BCAS3: variants seen among roughly 807,000 people sequenced by gnomAD.
BCAS3 encodes the protein BCAS4/BCAS3 fusion.
BCAS3 carries 53 observed loss-of-function variants against 116.1 expected under a neutral mutation model. That is an observed-to-expected ratio of 0.46 (90% CI 0.37 to 0.57). The LOEUF (loss-of-function observed/expected upper bound fraction) is 0.57, where lower values mean the gene tolerates loss of function less well. Among genes scored for constraint, BCAS3 ranks in the 20% least tolerant of loss-of-function variants. BCAS3 has a pLI of 0.00. For synonymous variants in BCAS3, 391 were observed against 408.2 expected (o/e 0.96, Z 0.51); for missense variants, 917 against 1,165.4 (o/e 0.79, Z 3.10).
intron 22 of BCAS3, among the ~76,000 whole-genome samples, chr17:61,201,813 C>T (rs2080838500): frequency 6.7e-6 from 1 of 148,830 alleles, no homozygotes; most frequent in African/African-American, 2.5e-5. Flanking sequence ...GGCTGCAGTG[C>T]AGTGGCGCAA....
intron 23 of BCAS3, among the ~76,000 whole-genome samples, chr17:61,375,772 C>G (rs1412793118): frequency 2.6e-5 from 4 of 151,970 alleles, no homozygotes. Flanking sequence ...AGGGTTTCAC[C>G]ATGTTGGCCA....
At chr17:60,844,521 T>C (rs2052314818) in intron 7 of BCAS3, among the ~76,000 whole-genome samples, 1 of 152,212 alleles carries the variant, frequency 6.6e-6, no homozygotes, top group African/African-American at 2.4e-5. Flanking sequence ...GTTTTGTTTT[T>C]TTTAAAGGTG....
At chr17:61,018,720 ACGTTTT>A (rs1219126350) in intron 16 of BCAS3, among the ~76,000 whole-genome samples, 2 of 152,178 alleles carry the variant, frequency 1.3e-5, no homozygotes, top group African/African-American at 4.8e-5. Context: ...CTAACATGTT[ACGTTTT>A]TGCAGCCTTA....
At chr17:61,289,469 G>A (rs2052164407) in intron 22 of BCAS3, among the ~76,000 whole-genome samples, 1 of 152,190 alleles carries the variant, frequency 6.6e-6, no homozygotes, top group South Asian at 2.1e-4. Context: ...TGGGTATGCT[G>A]TCAAGTAACA....
At chr17:61,155,367 T>C (rs1695194284) in intron 22 of BCAS3, among the ~76,000 whole-genome samples, 1 of 152,118 alleles carries the variant, frequency 6.6e-6, no homozygotes, top group Admixed American at 6.6e-5. Flanking sequence ...ATCAAAGTAT[T>C]GGTGCTTTAT....
Position 61,141,920 on chromosome 17 carries a change from AG to A in BCAS3, c.2425+57357del, listed in dbSNP as rs1335832406. On this transcript the variant is annotated intron_variant, in intron 22 of 23. Coordinates refer to ENST00000407086, the MANE Select transcript of BCAS3 (RefSeq NM_017679.5). The surrounding 1 kb of genome is among the most constrained non-coding windows in gnomAD (Gnocchi z 4.3). ...ACCTCAAGAAAAAAAAAAAAAAAAA[AG>A]TTAGACAATTATACAGAGATACTCA... Among the ~76,000 whole-genome samples the A allele has an allele frequency of 6.1e-5, 1 of 16,268 alleles. No individual in the cohort carries two copies. Among genetic ancestry groups the A allele is most frequent in the African/African-American group, 9.2e-5 (1 of 10,866 alleles). The allele number at this position is 16,268 out of a possible 152,430, so 10.7% of individuals were successfully genotyped here.
chr17:60,700,390 G>C (rs1480654313), intron 4 of BCAS3, among the ~76,000 whole-genome samples: 1 of 152,160 alleles, frequency 6.6e-6, no homozygotes, highest in Non-Finnish European at 1.5e-5. Flanking sequence ...TGCCAATGGG[G>C]TAATGATGCT....
Position 61,118,377 on chromosome 17 carries a change from C to G in BCAS3, c.2425+33813C>G, listed in dbSNP as rs1413956477. ...CTCCCCTAGACCTCTTTCATAAGCA[C>G]CCCAGTGGAGAGAAGGAGTGGTGCC... On this transcript the variant is annotated intron_variant, in intron 22 of 23. Transcript: ENST00000407086. This position sits in a 1 kb window ranked among gnomAD's most constrained non-coding sequence, Gnocchi z 5.0. 6.6e-6 allele frequency among the ~76,000 whole-genome samples: 1 copy of G among 152,210 alleles called. No homozygotes were observed. Among genetic ancestry groups the G allele is most frequent in the Non-Finnish European group, 1.5e-5 (1 of 68,044 alleles).
intron 3 of BCAS3, among the ~76,000 whole-genome samples, chr17:60,687,522 T>A (rs1598044745): frequency 6.6e-6 from 1 of 152,224 alleles, no homozygotes; most frequent in East Asian, 1.9e-4. Flanking sequence ...GTGGACCGTT[T>A]GAGCCCAGGA....
At chr17:60,902,219 G>A (rs1404096737) in intron 10 of BCAS3, among the ~76,000 whole-genome samples, 1 of 152,134 alleles carries the variant, frequency 6.6e-6, no homozygotes, top group Non-Finnish European at 1.5e-5. Flanking sequence ...TAATCTTTGT[G>A]GAGGAGTTAA....
chr17:60,742,754 A>G (rs1410399559), intron 5 of BCAS3, among the ~76,000 whole-genome samples: 1 of 151,994 alleles, frequency 6.6e-6, no homozygotes, highest in Non-Finnish European at 1.5e-5. Context: ...CTTAAGAGCT[A>G]AAAACTAGAA....
intron 16 of BCAS3, among the ~76,000 whole-genome samples, chr17:61,018,499 G>A (rs1446966533): frequency 1.4e-4 from 21 of 151,578 alleles, no homozygotes; most frequent in Admixed American, 8.5e-4. Context: ...ACAGGGTTTC[G>A]CCATGTTGGC....
intron 22 of BCAS3, among the ~76,000 whole-genome samples, chr17:61,231,938 G>A (rs1308987231): frequency 6.6e-6 from 1 of 151,344 alleles, no homozygotes; most frequent in Non-Finnish European, 1.5e-5. Flanking sequence ...CTGACACAGT[G>A]GCTCATGCCT....
intron 9 of BCAS3, among the ~76,000 whole-genome samples, chr17:60,888,923 G>C (rs1158871228): frequency 6.6e-6 from 1 of 152,172 alleles, no homozygotes; most frequent in Non-Finnish European, 1.5e-5. Context: ...TGACAGTAAG[G>C]TGTGCTTCTT....
chr17:61,131,776 C>T lies in BCAS3; in HGVS notation c.2425+47212C>T, dbSNP rs1299711661. On this transcript the variant is annotated intron_variant, in intron 22 of 23. Transcript: ENST00000407086. This position sits in a 1 kb window ranked among gnomAD's most constrained non-coding sequence, Gnocchi z 4.4. ...CTGAGCAGAAACACTCATGAAGGAG[C>T]CCTGATTAAAAAGAGTGGTAATGAA... Among the ~76,000 whole-genome samples, 1 of 152,120 alleles carries T rather than the reference C, an allele frequency of 6.6e-6. No individual in the cohort carries two copies. Among genetic ancestry groups the T allele is most frequent in the East Asian group, 1.9e-4 (1 of 5,186 alleles).
At chr17:60,816,732 A>T (rs1598914540) in intron 7 of BCAS3, among the ~76,000 whole-genome samples, 1 of 152,218 alleles carries the variant, frequency 6.6e-6, no homozygotes, top group East Asian at 1.9e-4. Flanking sequence ...TTGGGGCCAC[A>T]TACACAGTTT....
intron 15 of BCAS3, among the ~76,000 whole-genome samples, chr17:60,997,703 T>A (rs888490140): frequency 2.0e-5 from 3 of 152,206 alleles, no homozygotes; most frequent in African/African-American, 7.2e-5. Flanking sequence ...TCTCCCTACT[T>A]CTTCAGGTAC....
rs1272119309 is a variant in BCAS3, at chr17:61,235,163, A to G, written c.2426-133164A>G. On this transcript the variant is annotated intron_variant, in intron 22 of 23. Transcript: ENST00000407086. The surrounding 1 kb of genome is among the most constrained non-coding windows in gnomAD (Gnocchi z 5.0). ...CGGTCTTCCAAAGTGCTGGGATTAT[A>G]GGCGTGAACCACCACGCCTGGCTGT... 6.6e-6 allele frequency among the ~76,000 whole-genome samples: 1 copy of G among 152,208 alleles called. No individual in the cohort carries two copies. Among genetic ancestry groups the G allele is most frequent in the Admixed American group, 6.5e-5 (1 of 15,286 alleles).
chr17:61,155,146 C>T (rs775663618), intron 22 of BCAS3, among the ~76,000 whole-genome samples: 1 of 151,876 alleles, frequency 6.6e-6, no homozygotes, highest in East Asian at 1.9e-4. Context: ...AAAAAGTGTA[C>T]GAAGCTTACA....
Sources: allele counts gnomAD v4.1 joint callset (sites outside exome capture counted in the v4.1 genomes callset), GRCh38; gene constraint gnomAD v4.1.1; non-coding constraint Gnocchi (gnomAD v3.1); transcripts MANE v1.5; gene names NCBI Gene and HGNC (gene_info 2026-07-23, HGNC 2026-07-21).